The following CFAP96 variants were observed in gnomAD, a reference collection of about 807,000 sequenced individuals.
CFAP96 encodes the protein cilia and flagella associated protein 96.
chr4:185,413,015 T>C, the CFAP96 span, among the ~76,000 whole-genome samples: 7,757 of 152,168 alleles, frequency 0.051, 246 homozygotes, highest in South Asian at 0.088. Context: ...ATTAGACTTA[T>C]CCTACAGTGG....
the CFAP96 span, chr4:185,429,524 G>A: frequency 6.9e-7 from 1 of 1,442,400 alleles, no homozygotes; most frequent in Non-Finnish European, 9.4e-7. Flanking sequence ...AAGTATATTT[G>A]CTTTTCTCTA....
At chr4:185,432,237 C>A in the CFAP96 span, 1 of 1,405,278 alleles carries the variant, frequency 7.1e-7, no homozygotes, top group Non-Finnish European at 9.7e-7. Context: ...AAATATACCT[C>A]CTGTACCTTT....
At chr4:185,426,110 C>G in the CFAP96 span, 11 of 576,146 alleles carry the variant, frequency 1.9e-5, no homozygotes, top group South Asian at 2.3e-4. Context: ...TCTTTTCTGT[C>G]CTACAGAAGC....
the CFAP96 span, chr4:185,415,903 C>T: frequency 1.3e-6 from 2 of 1,498,690 alleles, no homozygotes; most frequent in Non-Finnish European, 1.8e-6. Flanking sequence ...ACTTGTAGTG[C>T]ATTAAACACT....
the CFAP96 span, among the ~76,000 whole-genome samples, chr4:185,417,968 C>T: frequency 6.6e-6 from 1 of 151,286 alleles, no homozygotes; most frequent in Non-Finnish European, 1.5e-5. Context: ...CACTTGAACC[C>T]GGGAGGCGGA....
chr4:185,449,354 C>T, the CFAP96 span, among the ~76,000 whole-genome samples: 1 of 151,990 alleles, frequency 6.6e-6, no homozygotes, highest in African/African-American at 2.4e-5. Flanking sequence ...AACTCTGTCT[C>T]TACAAAAAAT....
the CFAP96 span, among the ~76,000 whole-genome samples, chr4:185,439,111 T>G: frequency 2.2e-4 from 33 of 152,190 alleles, no homozygotes; most frequent in African/African-American, 8.0e-4. Context: ...ATCACATGCA[T>G]GAGAATCACT....
At chr4:185,436,433 C>A in the CFAP96 span, 1 of 1,128,850 alleles carries the variant, frequency 8.9e-7, no homozygotes, top group Non-Finnish European at 1.3e-6. Context: ...CACTTGAGGC[C>A]GGGCACGGTG....
chr4:185,435,321 A>G, the CFAP96 span, among the ~76,000 whole-genome samples: 36 of 152,224 alleles, frequency 2.4e-4, no homozygotes, highest in Admixed American at 2.4e-3. Context: ...AGATGTATGA[A>G]CAGTGTCAAG....
At chr4:185,424,140 CAAA>C in the CFAP96 span, among the ~76,000 whole-genome samples, 7 of 135,196 alleles carry the variant, frequency 5.2e-5, no homozygotes, top group East Asian at 4.3e-4. Flanking sequence ...CCATCTCTAC[CAAA>C]AAAAAAAAAA....
chr4:185,432,107 A>T, the CFAP96 span: 1 of 1,551,856 alleles, frequency 6.4e-7, no homozygotes, highest in South Asian at 1.2e-5. Flanking sequence ...TGAAGGCTAC[A>T]TAAATCTGAA....
chr4:185,426,461 T>A, the CFAP96 span: 5 of 152,884 alleles, frequency 3.3e-5, no homozygotes, highest in African/African-American at 1.2e-4. Context: ...CAGCCTCCGT[T>A]TCCTCTCTGG....
At chr4:185,425,099 GA>G in the CFAP96 span, among the ~76,000 whole-genome samples, 1 of 152,240 alleles carries the variant, frequency 6.6e-6, no homozygotes, top group African/African-American at 2.4e-5. Context: ...AGTGACAACA[GA>G]CAGACATTTA....
the CFAP96 span, among the ~76,000 whole-genome samples, chr4:185,438,995 C>T: frequency 6.6e-6 from 1 of 152,176 alleles, no homozygotes; most frequent in Non-Finnish European, 1.5e-5. Context: ...CTGACCAGTA[C>T]TCAACTGAAC....
chr4:185,433,403 AAAAAAAAAAAG>A, the CFAP96 span, among the ~76,000 whole-genome samples: 10 of 58,282 alleles, frequency 1.7e-4, no homozygotes, highest in African/African-American at 2.8e-4. Context: ...TCTCAAAAAA[AAAAAAAAAAAG>A]AAAAGAAAAG....
the CFAP96 span, chr4:185,431,954 T>G: frequency 1.3e-6 from 2 of 1,502,166 alleles, no homozygotes; most frequent in Non-Finnish European, 1.8e-6. Context: ...CAGCTCAAAA[T>G]TATAATATGC....
chr4:185,418,951 C>A, the CFAP96 span, among the ~76,000 whole-genome samples: 1 of 151,902 alleles, frequency 6.6e-6, no homozygotes, highest in Non-Finnish European at 1.5e-5. Context: ...ATTCACAGAC[C>A]ATCAAATTCA....
At chr4:185,418,376 G>T in the CFAP96 span, 1 of 1,213,596 alleles carries the variant, frequency 8.2e-7, no homozygotes, top group Non-Finnish European at 1.2e-6. Flanking sequence ...TTCTAAGATT[G>T]CACTCAGTTC....
chr4:185,408,574 A>G, the CFAP96 span: 4 of 874,516 alleles, frequency 4.6e-6, no homozygotes, highest in African/African-American at 1.7e-5. Context: ...TCACAGATCT[A>G]TGGTTTAACA....
Sources: gnomAD v4.1 joint callset for allele counts (sites outside exome capture counted in the v4.1 genomes callset) on GRCh38, gnomAD v4.1.1 for gene constraint, MANE v1.5 for transcripts, NCBI Gene and HGNC (gene_info 2026-07-23, HGNC 2026-07-21) for gene names.